The following SPAG17 variants were observed in gnomAD, a reference collection of about 807,000 sequenced individuals.
The protein encoded by SPAG17 is sperm-associated antigen 17.
In SPAG17, 169 loss-of-function variants were observed where a neutral mutation model predicts 273.6. The ratio of observed to expected loss-of-function variants is 0.62; its 90% CI spans 0.55 to 0.70. The LOEUF (loss-of-function observed/expected upper bound fraction) is 0.70, where lower values mean the gene tolerates loss of function less well. Among genes scored for constraint, SPAG17 ranks in the 30% least tolerant of loss-of-function variants. The pLI, the probability that SPAG17 is intolerant of heterozygous loss-of-function variation, is 0.00. For missense variants in SPAG17, 2,557 were observed against 2,627.8 expected (o/e 0.97, Z 0.59); for synonymous variants, 825 against 873.2 (o/e 0.94, Z 0.97).
chr1:118,037,263 T>C (rs1350495557), intron 23 of SPAG17, among the ~76,000 whole-genome samples: 2 of 152,236 alleles, frequency 1.3e-5, no homozygotes, highest in South Asian at 2.1e-4. Context: ...CTTTTTTACA[T>C]TTTAAAACAT....
rs117021339 is a variant in SPAG17, at chr1:118,181,605, T to C, written c.87+3466A>G. ...ACTTATCATTAGAGAAATGAACATC[T>C]AAACCACAGTGAGCTATCATCTCAT... On this transcript the variant is annotated intron_variant, in intron 1 of 48. Transcript: ENST00000336338. Among the ~76,000 whole-genome samples, 400 of 152,194 alleles carry C rather than the reference T, an allele frequency of 2.6e-3. 4 individuals carry two copies. Among genetic ancestry groups the C allele is most frequent in the East Asian group, 0.022 (114 of 5,180 alleles).
intron 6 of SPAG17, 38 bp from the exon 7 acceptor site, chr1:118,097,889 T>G: frequency 1.4e-6 from 2 of 1,432,952 alleles, no homozygotes; most frequent in South Asian, 2.8e-5. Flanking sequence ...CAAATGAGAG[T>G]GTTAAATGTT....
chr1:118,000,250 G>A (rs1309983078), intron 32 of SPAG17, among the ~76,000 whole-genome samples: 2 of 152,166 alleles, frequency 1.3e-5, no homozygotes, highest in Non-Finnish European at 2.9e-5. Context: ...TTGAAGTCAG[G>A]TAGCATGATG....
intron 24 of SPAG17, among the ~76,000 whole-genome samples, chr1:118,036,463 A>C (rs1334030992): frequency 6.6e-6 from 1 of 152,124 alleles, no homozygotes; most frequent in East Asian, 1.9e-4. Flanking sequence ...GTATACATAC[A>C]TGTATATATA....
At chr1:118,050,886 G>C (rs1650928997) in intron 20 of SPAG17, among the ~76,000 whole-genome samples, 1 of 151,794 alleles carries the variant, frequency 6.6e-6, no homozygotes, top group Non-Finnish European at 1.5e-5. Flanking sequence ...AACAAAAATA[G>C]ACAAATGGCA....
intron 20 of SPAG17, among the ~76,000 whole-genome samples, chr1:118,044,991 G>C (rs998676479): frequency 7.9e-5 from 12 of 152,156 alleles, no homozygotes; most frequent in Non-Finnish European, 1.3e-4. Flanking sequence ...AGAGTGATAA[G>C]AGGAAATTAA....
At chr1:118,087,106 T>C in intron 10 of SPAG17, 98 bp from the exon 11 acceptor site, 3 of 1,363,950 alleles carry the variant, frequency 2.2e-6, no homozygotes, top group Non-Finnish European at 2.9e-6. Context: ...TAAGAACCAG[T>C]CCATTTCTGG....
chr1:117,961,276 T>G (rs1250246679), intron 48 of SPAG17: 1 of 152,118 alleles, frequency 6.6e-6, no homozygotes, highest in Non-Finnish European at 1.5e-5. Flanking sequence ...ACAGTGAGAC[T>G]CCATCTCCAA....
rs1242199569 is a variant in SPAG17 at position 117,969,944 on chromosome 1, C to T, written c.6387+112G>A. ...TGATATTAAAAACAGTAGACTTATA[C>T]ATAGTTTAAAAGGAATGGGCAGAAT... On this transcript the variant is annotated intron_variant, in intron 46 of 48. Transcript: ENST00000336338. The T allele has an allele frequency of 3.2e-6, 3 of 927,312 alleles. No individual in the cohort carries two copies. The African/African-American group carries it at 5.1e-5, about 16-fold the overall frequency. The allele number at this position is 927,312 out of a possible 1,614,324, so 57.4% of individuals were successfully genotyped here.
intron 28 of SPAG17, among the ~76,000 whole-genome samples, chr1:118,016,427 A>C (rs1469995071): frequency 3.3e-5 from 5 of 152,144 alleles, no homozygotes; most frequent in African/African-American, 1.2e-4. Context: ...ACATGCTTAC[A>C]CAGCTCACTG....
At chr1:118,172,109 A>G (rs1481209138) in intron 1 of SPAG17, among the ~76,000 whole-genome samples, 1 of 152,260 alleles carries the variant, frequency 6.6e-6, no homozygotes, top group Non-Finnish European at 1.5e-5. Context: ...GGGCAACCCT[A>G]CACTGAGAAT....
At chr1:118,006,170 T>C (rs1658860511) in intron 31 of SPAG17, among the ~76,000 whole-genome samples, 1 of 152,232 alleles carries the variant, frequency 6.6e-6, no homozygotes, top group Non-Finnish European at 1.5e-5. Context: ...GGTTTTAGTA[T>C]ATTCAAAAAT....
At chr1:118,016,338 G>C (rs1423794112) in intron 28 of SPAG17, among the ~76,000 whole-genome samples, 156 bp from the exon 29 acceptor site, 2 of 152,140 alleles carry the variant, frequency 1.3e-5, no homozygotes, top group African/African-American at 4.8e-5. Context: ...TCTCAATAGG[G>C]AAAAGTATCA....
chr1:118,072,151 C>T (rs997216316), intron 17 of SPAG17, among the ~76,000 whole-genome samples: 47 of 152,292 alleles, frequency 3.1e-4, no homozygotes, highest in African/African-American at 1.1e-3. Flanking sequence ...GAAGTCAGAA[C>T]ACTGTCAAAA....
chr1:118,173,759 C>T (rs944414771), intron 1 of SPAG17, among the ~76,000 whole-genome samples: 6 of 151,270 alleles, frequency 4.0e-5, no homozygotes, highest in Admixed American at 6.6e-5. Context: ...CTACTTGAGG[C>T]TGACTTGGGA....
At chr1:118,184,924 C>G (rs1325502595) in intron 1 of SPAG17, 147 bp downstream of exon 1, 1 of 702,884 alleles carries the variant, frequency 1.4e-6, no homozygotes, top group Non-Finnish European at 2.5e-6. Context: ...TCAAGCACTT[C>G]CTGTCCCTGG....
In SPAG17 at chr1:118,016,096, C is replaced by T; in HGVS notation, c.4156G>A (p.Val1386Met). Reference sequence around the variant, plus strand: ...AACCAGGTGCCTATGTGAACCTCCACAGGAGTTACAGTTTGAACTGCCTCT... The same window carrying T: ...AACCAGGTGCCTATGTGAACCTCCATAGGAGTTACAGTTTGAACTGCCTCT... Reference protein sequence around the residue: ...PPEAVQTVTPVEVHIGTWFTT... With the variant: ...PPEAVQTVTPMEVHIGTWFTT... The change falls in exon 29 of 49, where the codon GTG (valine) becomes ATG (methionine). Residue 1386 changes from valine (V) to methionine (M), a missense_variant. Transcript: ENST00000336338. 6.2e-7 allele frequency: 1 copy of T among 1,614,088 alleles called. No homozygotes were observed. Among genetic ancestry groups the T allele is most frequent in the Non-Finnish European group, 8.5e-7 (1 of 1,179,964 alleles).
intron 29 of SPAG17, among the ~76,000 whole-genome samples, chr1:118,015,691 C>T (rs960455795): frequency 6.6e-6 from 1 of 152,096 alleles, no homozygotes; most frequent in Admixed American, 6.6e-5. Context: ...CATGAACTGC[C>T]GCTCACCTCA....
Position 118,040,781 on chromosome 1 carries a change from A to G in SPAG17, c.3115T>C (p.Tyr1039His). Residue 1039 changes from tyrosine (Y) to histidine (H), a missense_variant, in exon 22 of 49, where the codon TAT (tyrosine) becomes CAT (histidine). Transcript: ENST00000336338. ...TQISGSNYYLYPSDGGQIEVE... is the reference protein window; with the variant it reads ...TQISGSNYYLHPSDGGQIEVE... Reference sequence around the variant, plus strand: ...TCAATCTGCCCCCCATCAGAAGGATACAGGTAGTAATTTGACCCTGAGATT... The same window carrying G: ...TCAATCTGCCCCCCATCAGAAGGATGCAGGTAGTAATTTGACCCTGAGATT... 1.2e-6 allele frequency: 2 copies of G among 1,607,266 alleles called. No individual in the cohort carries two copies. The highest frequency in any genetic ancestry group is 1.7e-6 in the Non-Finnish European group (2 of 1,173,644).
Sources: gnomAD v4.1 joint callset for allele counts (sites outside exome capture counted in the v4.1 genomes callset) on GRCh38, gnomAD v4.1.1 for gene constraint, MANE v1.5 for transcripts, NCBI Gene and HGNC (gene_info 2026-07-23, HGNC 2026-07-21) for gene names.